CDH4: variants seen among roughly 807,000 people sequenced by gnomAD.
The protein encoded by CDH4 is cadherin-4.
CDH4 carries 33 observed loss-of-function variants against 86.0 expected under a neutral mutation model. The ratio of observed to expected loss-of-function variants is 0.38; its 90% CI spans 0.29 to 0.51. The LOEUF (loss-of-function observed/expected upper bound fraction) is 0.51. CDH4 is among the 20% of genes least tolerant of loss of function. The probability of loss-of-function intolerance (pLI) is 0.86; values close to 1 mark genes in which losing one functional copy is unlikely to be tolerated. For missense variants in CDH4, 1,114 were observed against 1,307.4 expected, an observed-to-expected ratio of 0.85 and a Z score of 2.28; for synonymous variants, 555 against 549.4, an observed-to-expected ratio of 1.01 and a Z score of -0.14.
At position 61,502,978 on chromosome 20, in the gene CDH4, A is replaced by G. The variant is rs139778966; in HGVS notation, c.170-240585A>G. Among the ~76,000 whole-genome samples the G allele has an allele frequency of 9.2e-3, 1,405 of 152,296 alleles. 7 individuals carry two copies. Among genetic ancestry groups the G allele is most frequent in the South Asian group, 0.028 (133 of 4,822 alleles). On this transcript the variant is annotated intron_variant, in intron 2 of 15. Coordinates refer to ENST00000614565, the MANE Select transcript of CDH4 (RefSeq NM_001794.5). ...CCGTGAGCATTTCTGCACGCCAAAG[A>G]TGATTATGCCTAAATGAATATTCTT...
intron 2 of CDH4, among the ~76,000 whole-genome samples, chr20:61,422,469 CA>C (rs2085185449): frequency 2.4e-5 from 1 of 42,482 alleles, no homozygotes; most frequent in Non-Finnish European, 4.8e-5. Context: ...AAAAAAAAAC[CA>C]AATCTCCCCA....
intron 2 of CDH4, among the ~76,000 whole-genome samples, chr20:61,344,087 A>G (rs746923904): frequency 1.1e-4 from 17 of 152,168 alleles, no homozygotes; most frequent in Non-Finnish European, 2.5e-4. Flanking sequence ...GAGGACTTCC[A>G]GGAAGTTCCA....
intron 2 of CDH4, among the ~76,000 whole-genome samples, chr20:61,473,451 T>TG (rs1169386713): frequency 6.6e-6 from 1 of 152,188 alleles, no homozygotes; most frequent in Non-Finnish European, 1.5e-5. Flanking sequence ...GCCCCTCCAA[T>TG]GGAGAGCTGC....
intron 8 of CDH4, among the ~76,000 whole-genome samples, chr20:61,901,579 G>A (rs115762913): frequency 0.01 from 1,541 of 152,344 alleles, 31 homozygotes; most frequent in African/African-American, 0.035. Flanking sequence ...TGATGGATCC[G>A]CTGAGCTCCG....
intron 2 of CDH4, among the ~76,000 whole-genome samples, chr20:61,407,775 G>T (rs879553778): frequency 2.0e-5 from 3 of 152,162 alleles, no homozygotes; most frequent in Non-Finnish European, 4.4e-5. Flanking sequence ...ACACAGCACG[G>T]TGATGAGTAA....
At chr20:61,924,266 G>C in intron 10 of CDH4, 68 bp from the exon 11 acceptor site, 1 of 1,508,164 alleles carries the variant, frequency 6.6e-7, no homozygotes, top group South Asian at 1.2e-5. Context: ...TGGCCAAGGA[G>C]GCCTGGGATC....
At chr20:61,631,065 G>C (rs1371107125) in intron 2 of CDH4, among the ~76,000 whole-genome samples, 3 of 152,222 alleles carry the variant, frequency 2.0e-5, no homozygotes, top group African/African-American at 7.2e-5. Flanking sequence ...TGTGAGGACA[G>C]AGGAGAAGTC....
chr20:61,782,359 A>G (rs916524494), intron 4 of CDH4, among the ~76,000 whole-genome samples: 16 of 152,136 alleles, frequency 1.1e-4, no homozygotes, highest in African/African-American at 3.6e-4. Context: ...CTGATAAACA[A>G]ACTGAGGGAA....
intron 2 of CDH4, among the ~76,000 whole-genome samples, chr20:61,525,932 C>T (rs1171380499): frequency 1.3e-5 from 2 of 152,194 alleles, no homozygotes; most frequent in Non-Finnish European, 2.9e-5. Flanking sequence ...CCTGTGGGGA[C>T]AGCTCAGCGT....
At chr20:61,389,619 C>T (rs1280739772) in intron 2 of CDH4, among the ~76,000 whole-genome samples, 6 of 152,170 alleles carry the variant, frequency 3.9e-5, no homozygotes, top group Non-Finnish European at 8.8e-5. Flanking sequence ...CATTGTTGTT[C>T]TATAGATCGA....
At chr20:61,296,063 C>T (rs2084350308) in intron 2 of CDH4, among the ~76,000 whole-genome samples, 3 of 151,966 alleles carry the variant, frequency 2.0e-5, no homozygotes. Context: ...GACGGTGGGG[C>T]AAGGGGGAGT....
At position 61,873,771 on chromosome 20, in the gene CDH4, C is replaced by T. The variant is rs766837626; in HGVS notation, c.921C>T (p.Ser307=). Residue 307 remains serine (S), a synonymous_variant, in exon 7 of 16, where the codon AGC becomes AGT. Coordinates refer to ENST00000614565, the MANE Select transcript of CDH4 (RefSeq NM_001794.5). ...TCACGGCCAACGATGCTGACGACAG[C>T]ACCACGGCCAACGGGATGGTGCGGT... ...MTVTANDADD[S]TTANGMVRYR... 6.2e-7 allele frequency: 1 copy of T among 1,613,960 alleles called. No homozygotes were observed. Among genetic ancestry groups the T allele is most frequent in the South Asian group, 1.1e-5 (1 of 91,084 alleles).
chr20:61,703,592 G>A lies in CDH4; in HGVS notation c.170-39971G>A, dbSNP rs2087799205. ...CCCCAGCTTGTGTCCCTTCCCCGTCGCACCTCTTCCCCGTGCCTGGATGAA... is the reference window on the plus strand; with the variant it reads ...CCCCAGCTTGTGTCCCTTCCCCGTCACACCTCTTCCCCGTGCCTGGATGAA... On this transcript the variant is annotated intron_variant, in intron 2 of 15. Transcript: ENST00000614565. The surrounding 1 kb of genome is among the most constrained non-coding windows in gnomAD (Gnocchi z 4.3). Among the ~76,000 whole-genome samples the A allele has an allele frequency of 6.6e-6, 1 of 152,142 alleles. No homozygotes were observed. Among genetic ancestry groups the A allele is most frequent in the East Asian group, 1.9e-4 (1 of 5,190 alleles).
At chr20:61,344,375 G>A (rs888042805) in intron 2 of CDH4, among the ~76,000 whole-genome samples, 1 of 152,190 alleles carries the variant, frequency 6.6e-6, no homozygotes, top group Non-Finnish European at 1.5e-5. Context: ...TGGCTGGTCT[G>A]TCAGGCTTTT....
intron 2 of CDH4, among the ~76,000 whole-genome samples, chr20:61,630,418 T>G (rs1002760): frequency 0.59 from 89,279 of 151,986 alleles, 26,388 homozygotes; most frequent in East Asian, 0.72. Flanking sequence ...AGGACTCTGC[T>G]TGGCTCAGGG....
chr20:61,416,427 A>G (rs1264255633), intron 2 of CDH4, among the ~76,000 whole-genome samples: 1 of 152,188 alleles, frequency 6.6e-6, no homozygotes, highest in Non-Finnish European at 1.5e-5. Context: ...ACATTCCCAC[A>G]GCAGTTCCCA....
rs2054885903 is a variant in CDH4, at chr20:61,914,600, C to G, written c.1374+3993C>G. On this transcript the variant is annotated intron_variant, in intron 9 of 15. Coordinates refer to ENST00000614565, the MANE Select transcript of CDH4 (RefSeq NM_001794.5). ...CTCAGATCTTGCAGGCCCCATCCCT[C>G]AGGCCTGGGAGGCTTGGAGACCTGC... 9.7e-5 allele frequency among the ~76,000 whole-genome samples: 6 copies of G among 62,116 alleles called. No individual in the cohort carries two copies. The South Asian group carries it at 3.7e-3, about 38-fold the overall frequency. 40.8% of individuals were successfully genotyped at this position (62,116 alleles called of 152,430 possible). A position where few individuals can be genotyped will look rare whatever the true frequency, so the allele number is the denominator to read the frequency against.
At chr20:61,686,454 TGTGTGTGCATTTGCGTGTATATGTGC>T in intron 2 of CDH4, among the ~76,000 whole-genome samples, 1 of 149,642 alleles carries the variant, frequency 6.7e-6, no homozygotes, top group Non-Finnish European at 1.5e-5. Context: ...TGTGCATTCG[TGTGTGTGCATTTGCGTGTATATGTGC>T]GTGTGTGTGC....
chr20:61,678,843 C>T (rs1379032061), intron 2 of CDH4, among the ~76,000 whole-genome samples: 4 of 152,204 alleles, frequency 2.6e-5, no homozygotes, highest in Non-Finnish European at 5.9e-5. Context: ...TGAGGATGCT[C>T]TCATTGGATC....
Sources: allele counts gnomAD v4.1 joint callset (sites outside exome capture counted in the v4.1 genomes callset), GRCh38; gene constraint gnomAD v4.1.1; non-coding constraint Gnocchi (gnomAD v3.1); transcripts MANE v1.5; gene names NCBI Gene and HGNC (gene_info 2026-07-23, HGNC 2026-07-21).